The following NAALADL2 variants were observed in gnomAD, a reference collection of about 807,000 sequenced individuals.
NAALADL2 encodes inactive N-acetylated-alpha-linked acidic dipeptidase-like protein 2.
A neutral mutation model predicts 87.2 loss-of-function variants in NAALADL2; 76 were observed. The observed-to-expected ratio is 0.87, with a 90% CI of 0.72 to 1.05. The LOEUF (loss-of-function observed/expected upper bound fraction) is 1.05. Among genes scored for constraint, NAALADL2 ranks in the 50% least tolerant of loss-of-function variants. The pLI is 0.00. For missense variants in NAALADL2, 1,089 were observed against 945.8 expected, an observed-to-expected ratio of 1.15 and a Z score of -1.99; for synonymous variants, 354 against 331.0, an observed-to-expected ratio of 1.07 and a Z score of -0.75.
At chr3:174,457,884 A>G (rs952182558) in intron 1 of NAALADL2, among the ~76,000 whole-genome samples, 3 of 151,886 alleles carry the variant, frequency 2.0e-5, no homozygotes, top group African/African-American at 4.9e-5. Context: ...AAACTAACAG[A>G]GGAACAGAAA....
chr3:175,329,347 T>C (rs1303845764), intron 5 of NAALADL2, among the ~76,000 whole-genome samples: 10 of 152,208 alleles, frequency 6.6e-5, no homozygotes, highest in Admixed American at 6.5e-4. Context: ...TACAATTCAG[T>C]GGATCTCTGT....
chr3:175,144,356 A>G (rs961988271), intron 2 of NAALADL2, among the ~76,000 whole-genome samples: 5 of 152,014 alleles, frequency 3.3e-5, no homozygotes, highest in Non-Finnish European at 7.4e-5. Context: ...CTCCATTTTA[A>G]GATTGATTGG....
chr3:175,208,812 A>G (rs183965214), intron 2 of NAALADL2, among the ~76,000 whole-genome samples: 79 of 152,314 alleles, frequency 5.2e-4, no homozygotes, highest in African/African-American at 1.8e-3. Flanking sequence ...TATTTAAAGA[A>G]TAACCATGAA....
intron 1 of NAALADL2, among the ~76,000 whole-genome samples, chr3:175,088,338 T>C (rs1304847249): frequency 1.3e-5 from 2 of 152,196 alleles, no homozygotes; most frequent in Admixed American, 1.3e-4. Context: ...TAAATGAACA[T>C]AGACATACTG....
At chr3:174,693,384 A>G (rs1484306441) in intron 2 of NAALADL2, among the ~76,000 whole-genome samples, 2 of 152,180 alleles carry the variant, frequency 1.3e-5, no homozygotes, top group East Asian at 3.9e-4. Context: ...AGCATCATGA[A>G]GGAATGTTTT....
At chr3:175,526,397 AG>A (rs1733421621) in intron 9 of NAALADL2, among the ~76,000 whole-genome samples, 1 of 152,206 alleles carries the variant, frequency 6.6e-6, no homozygotes, top group South Asian at 2.1e-4. Context: ...TTGCTCTTTA[AG>A]CATTTTATGC....
chr3:175,154,805 G>A (rs932679979), intron 2 of NAALADL2, among the ~76,000 whole-genome samples: 1 of 152,122 alleles, frequency 6.6e-6, no homozygotes, highest in Non-Finnish European at 1.5e-5. Context: ...AGCAGAGGGA[G>A]CAAAATCTCA....
At chr3:175,475,777 G>T (rs770786994) in intron 9 of NAALADL2, among the ~76,000 whole-genome samples, 1 of 152,116 alleles carries the variant, frequency 6.6e-6, no homozygotes, top group Non-Finnish European at 1.5e-5. Flanking sequence ...AATGCAAGTG[G>T]TATGATCATA....
intron 1 of NAALADL2, among the ~76,000 whole-genome samples, chr3:174,924,458 T>C (rs1735689853): frequency 6.6e-6 from 1 of 152,060 alleles, no homozygotes; most frequent in African/African-American, 2.4e-5. Flanking sequence ...ATCCAGTCTA[T>C]CATTGACGGA....
intron 2 of NAALADL2, among the ~76,000 whole-genome samples, chr3:175,156,415 T>A (rs181908007): frequency 2.2e-4 from 34 of 152,272 alleles, no homozygotes; most frequent in African/African-American, 8.2e-4. Flanking sequence ...TTAGTGTATA[T>A]TGAATTCCTT....
intron 13 of NAALADL2, among the ~76,000 whole-genome samples, chr3:175,776,057 G>C (rs575106727): frequency 2.2e-4 from 33 of 151,766 alleles, no homozygotes; most frequent in Non-Finnish European, 4.1e-4. Flanking sequence ...CTCTATTCTT[G>C]CCTCCTTCTT....
At chr3:175,517,360 C>T (rs78434080) in intron 9 of NAALADL2, among the ~76,000 whole-genome samples, 2,709 of 152,156 alleles carry the variant, frequency 0.018, 79 homozygotes, top group African/African-American at 0.062. Context: ...TATTGTTCAA[C>T]AAGGGCTAAA....
chr3:174,498,505 T>C (rs1718687845), intron 1 of NAALADL2, among the ~76,000 whole-genome samples: 2 of 151,698 alleles, frequency 1.3e-5, no homozygotes, highest in Non-Finnish European at 2.9e-5. Context: ...GCTACGAACA[T>C]TCATGTATAA....
At chr3:174,953,060 C>T (rs9809499) in intron 1 of NAALADL2, among the ~76,000 whole-genome samples, 116,403 of 151,788 alleles carry the variant, frequency 0.77, 45,495 homozygotes, top group African/African-American at 0.87. Flanking sequence ...TTACAACAAC[C>T]CTGTGGGAAG....
At chr3:175,399,714 T>C (rs541204838) in intron 5 of NAALADL2, among the ~76,000 whole-genome samples, 87 of 152,184 alleles carry the variant, frequency 5.7e-4, no homozygotes, top group African/African-American at 2.0e-3. Flanking sequence ...CTGTATCTTT[T>C]GCCGACCTCC....
In NAALADL2 at chr3:174,461,280, A is replaced by G. The variant is rs570263328; in HGVS notation, c.-184+20248A>G. On this transcript the variant is annotated intron_variant, in intron 1 of 3. Transcript: ENST00000434257. ...TGCAGGAATTAAGTATTGATATTTTATGTATAATTTATTTGTTTTATTAGT... is the reference window on the plus strand; with the variant it reads ...TGCAGGAATTAAGTATTGATATTTTGTGTATAATTTATTTGTTTTATTAGT... Among the ~76,000 whole-genome samples, 82 of 152,226 alleles carry G rather than the reference A, an allele frequency of 5.4e-4. No individual in the cohort carries two copies. The South Asian group carries it at 0.016, about 30-fold the overall frequency.
chr3:174,776,072 A>G (rs1416146394), intron 3 of NAALADL2, among the ~76,000 whole-genome samples: 1 of 152,094 alleles, frequency 6.6e-6, no homozygotes, highest in African/African-American at 2.4e-5. Flanking sequence ...TTTTATGTCA[A>G]CTTTCTTCAA....
At chr3:175,211,260 C>T (rs116517234) in intron 2 of NAALADL2, among the ~76,000 whole-genome samples, 3,412 of 151,864 alleles carry the variant, frequency 0.022, 122 homozygotes, top group African/African-American at 0.077. Context: ...ATCTTTATTA[C>T]GTTTTATGCA....
At chr3:175,433,219 G>A (rs190331971) in intron 5 of NAALADL2, among the ~76,000 whole-genome samples, 30 of 152,046 alleles carry the variant, frequency 2.0e-4, no homozygotes, top group African/African-American at 7.2e-4. Context: ...TTCTTTTCCA[G>A]TAACATCCCA....
Sources: gnomAD v4.1 joint callset for allele counts (sites outside exome capture counted in the v4.1 genomes callset) on GRCh38, gnomAD v4.1.1 for gene constraint, MANE v1.5 for transcripts, NCBI Gene and HGNC (gene_info 2026-07-23, HGNC 2026-07-21) for gene names.